RERE: variants seen among roughly 807,000 people sequenced by gnomAD.
The protein encoded by RERE is arginine-glutamic acid dipeptide repeats, also known as arginine-glutamic acid dipeptide repeats protein.
Under a neutral mutation model 146.1 loss-of-function variants are expected in RERE, and 40 were observed. The observed-to-expected ratio is 0.27, with a 90% confidence interval of 0.21 to 0.36. The LOEUF (loss-of-function observed/expected upper bound fraction) is 0.36, where lower values mean the gene tolerates loss of function less well. Ranked by LOEUF, RERE falls within the 10% of genes least tolerant of loss-of-function variation. The pLI, the probability that RERE is intolerant of heterozygous loss-of-function variation, is 1.00. For missense variants in RERE, 1,933 were observed against 2,138.7 expected, an observed-to-expected ratio of 0.90 and a Z score of 1.90; for synonymous variants, 1,003 against 866.0, an observed-to-expected ratio of 1.16 and a Z score of -2.78.
Position 8,358,417 on chromosome 1 carries a change from G to C in RERE, c.4118C>G (p.Pro1373Arg), listed in dbSNP as rs1364710409. 1 of 1,601,888 alleles carries C rather than the reference G, an allele frequency of 6.2e-7. No homozygotes were observed. The highest frequency in any genetic ancestry group is 1.3e-5 in the African/African-American group (1 of 74,856). ...CAGGGCCAGTCTCTCCCTCTCCAAGGGGTTCAGGCCCGGGTGGAAAGAAGC... is the reference window on the plus strand; with the variant it reads ...CAGGGCCAGTCTCTCCCTCTCCAAGCGGTTCAGGCCCGGGTGGAAAGAAGC... ...PFASFHPGLN[P>R]LERERLALAG... Residue 1373 changes from proline to arginine, a missense_variant, in exon 20 of 23, where the codon CCC becomes CGC. Around this residue, in one of 11 missense-constraint regions of RERE, gnomAD observed 1,255 missense variants for 1,153.8 expected, o/e 1.09. Transcript: ENST00000400908.
intron 7 of RERE, among the ~76,000 whole-genome samples, chr1:8,516,816 T>C (rs908789896): frequency 7.9e-5 from 12 of 152,220 alleles, no homozygotes; most frequent in African/African-American, 2.9e-4. Context: ...AAAGAATTTT[T>C]TTAAGTTTGA....
At chr1:8,374,054 G>C (rs967535957) in intron 12 of RERE, among the ~76,000 whole-genome samples, 1 of 152,212 alleles carries the variant, frequency 6.6e-6, no homozygotes, top group Non-Finnish European at 1.5e-5. Flanking sequence ...GGAGAATGAT[G>C]ATCTGCTTGA....
chr1:8,713,092 A>C (rs1260473860), intron 1 of RERE, among the ~76,000 whole-genome samples: 1 of 152,244 alleles, frequency 6.6e-6, no homozygotes. Context: ...AAATCTTACA[A>C]GATACCTTTC....
At chr1:8,768,702 C>A (rs1640891276) in intron 1 of RERE, among the ~76,000 whole-genome samples, 1 of 152,132 alleles carries the variant, frequency 6.6e-6, no homozygotes, top group Non-Finnish European at 1.5e-5. Context: ...GTCCTGTTTA[C>A]AACACAAAAG....
intron 1 of RERE, among the ~76,000 whole-genome samples, chr1:8,746,494 T>C (rs1020954325): frequency 3.3e-5 from 5 of 152,154 alleles, no homozygotes; most frequent in Non-Finnish European, 7.4e-5. Context: ...GCCTATTTTA[T>C]AATAAATTTG....
intron 1 of RERE, among the ~76,000 whole-genome samples, chr1:8,750,150 C>CAAA (rs3045405): frequency 0.49 from 46,720 of 96,244 alleles, 12,364 homozygotes; most frequent in East Asian, 0.74. Context: ...GCCTCTGTCT[C>CAAA]AAAAAAAAAA....
chr1:8,495,302 C>A, intron 9 of RERE, 140 bp from the exon 10 acceptor site: 1 of 561,802 alleles, frequency 1.8e-6, no homozygotes. Flanking sequence ...CCAGCTCTGC[C>A]TCTGCTCCTA....
At chr1:8,503,745 G>A (rs903645932) in intron 8 of RERE, among the ~76,000 whole-genome samples, 1 of 152,102 alleles carries the variant, frequency 6.6e-6, no homozygotes, top group African/African-American at 2.4e-5. Flanking sequence ...CAATTGAGCT[G>A]GTTCTACTCT....
At chr1:8,500,380 T>C (rs1225979658) in intron 8 of RERE, among the ~76,000 whole-genome samples, 1 of 152,230 alleles carries the variant, frequency 6.6e-6, no homozygotes, top group African/African-American at 2.4e-5. Context: ...CTCTTAATCA[T>C]AAGAATTGAT....
intron 4 of RERE, among the ~76,000 whole-genome samples, chr1:8,603,464 G>A (rs1388214810): frequency 3.9e-5 from 6 of 152,226 alleles, no homozygotes; most frequent in Non-Finnish European, 4.4e-5. Flanking sequence ...TAAGGAAGCA[G>A]TAACAGTTAC....
At chr1:8,556,622 G>T in intron 5 of RERE, 51 bp from the exon 6 acceptor site, 1 of 1,183,086 alleles carries the variant, frequency 8.5e-7, no homozygotes, top group Non-Finnish European at 1.2e-6. Flanking sequence ...CCCAAAACAA[G>T]TAAAAAAAAT....
chr1:8,736,956 A>G (rs1640214291), intron 1 of RERE, among the ~76,000 whole-genome samples: 1 of 152,084 alleles, frequency 6.6e-6, no homozygotes, highest in African/African-American at 2.4e-5. Context: ...CCTAGCCAAT[A>G]AAGAATGGTT....
chr1:8,714,471 T>C (rs2124463815), intron 1 of RERE, among the ~76,000 whole-genome samples: 1 of 152,292 alleles, frequency 6.6e-6, no homozygotes, highest in Admixed American at 6.5e-5. Context: ...GGCCAAACTG[T>C]GAGATAATCA....
intron 1 of RERE, among the ~76,000 whole-genome samples, chr1:8,709,474 T>C (rs1639625552): frequency 6.6e-6 from 1 of 152,028 alleles, no homozygotes; most frequent in Non-Finnish European, 1.5e-5. Context: ...GCAATTCCAC[T>C]TAACAGGCTG....
At chr1:8,417,970 C>G (rs943811267) in intron 12 of RERE, among the ~76,000 whole-genome samples, 1 of 152,214 alleles carries the variant, frequency 6.6e-6, no homozygotes, top group Non-Finnish European at 1.5e-5. Flanking sequence ...TCCTTCAAAG[C>G]CCAGTTCAAA....
At chr1:8,805,252 T>A (rs1015740478) in intron 1 of RERE, among the ~76,000 whole-genome samples, 2 of 152,062 alleles carry the variant, frequency 1.3e-5, no homozygotes. Context: ...ACAGCTCACA[T>A]CTCTAATCCC....
At chr1:8,500,421 C>T (rs1028062795) in intron 8 of RERE, among the ~76,000 whole-genome samples, 1 of 152,244 alleles carries the variant, frequency 6.6e-6, no homozygotes, top group Admixed American at 6.5e-5. Context: ...CTGTGTTGGC[C>T]GGGCTGGTCT....
intron 1 of RERE, among the ~76,000 whole-genome samples, chr1:8,724,030 T>TA (rs111592900): frequency 0.19 from 28,821 of 152,216 alleles, 2,984 homozygotes; most frequent in Middle Eastern, 0.26. Context: ...TTTTGTTCCA[T>TA]AGCCCTTCTC....
chr1:8,362,923 G>A (rs1421130252), intron 15 of RERE, 79 bp from the exon 16 acceptor site: 1 of 1,492,856 alleles, frequency 6.7e-7, no homozygotes, highest in Non-Finnish European at 9.1e-7. Context: ...CCCACAGGCA[G>A]AAGCCTGAAG....
Sources: allele counts gnomAD v4.1 joint callset (sites outside exome capture counted in the v4.1 genomes callset), GRCh38; gene constraint gnomAD v4.1.1; regional missense constraint gnomAD v4.1.1; transcripts MANE v1.5; gene names NCBI Gene and HGNC (gene_info 2026-07-23, HGNC 2026-07-21).